Variants in MYRFL observed in about 807,000 individuals in gnomAD.
MYRFL encodes myelin regulatory factor-like protein.
MYRFL carries 88 observed loss-of-function variants against 109.4 expected under a neutral mutation model. The ratio of observed to expected loss-of-function variants is 0.80; its 90% CI spans 0.68 to 0.96. MYRFL has a LOEUF of 0.96. MYRFL is among the 40% of genes least tolerant of loss of function. The pLI, the probability that MYRFL is intolerant of heterozygous loss-of-function variation, is 0.00. For missense variants in MYRFL, 957 were observed against 954.9 expected, an observed-to-expected ratio of 1.00 and a Z score of -0.03; for synonymous variants, 324 against 320.9, an observed-to-expected ratio of 1.01 and a Z score of -0.10.
chr12:69,928,026 G>A (rs1389828433), intron 15 of MYRFL, among the ~76,000 whole-genome samples: 8 of 152,074 alleles, frequency 5.3e-5, no homozygotes, highest in Non-Finnish European at 1.0e-4. Flanking sequence ...CAGCAGCCTC[G>A]TCATACAGAT....
chr12:69,840,757 G>A (rs879381295), intron 1 of MYRFL, among the ~76,000 whole-genome samples: 3 of 152,158 alleles, frequency 2.0e-5, no homozygotes, highest in Non-Finnish European at 4.4e-5. Context: ...GTAGACACAT[G>A]CAGGTTTCTG....
intron 11 of MYRFL, among the ~76,000 whole-genome samples, chr12:69,909,442 C>T (rs1356070446): frequency 6.6e-6 from 1 of 152,040 alleles, no homozygotes; most frequent in Admixed American, 6.5e-5. Context: ...TTAATTGCCT[C>T]AATAGCTACT....
intron 19 of MYRFL, among the ~76,000 whole-genome samples, chr12:69,949,873 C>G (rs889394301): frequency 6.6e-6 from 1 of 152,088 alleles, no homozygotes; most frequent in African/African-American, 2.4e-5. Context: ...ATTGGAAACT[C>G]TTTATTCCTA....
intron 15 of MYRFL, among the ~76,000 whole-genome samples, chr12:69,930,292 T>C (rs1049518023): frequency 3.9e-5 from 6 of 152,144 alleles, no homozygotes; most frequent in African/African-American, 1.4e-4. Context: ...CTGCCTTTAC[T>C]TCCACACAGC....
chr12:69,955,433 A>ATAAAG lies in MYRFL; in HGVS notation c.2450_2450+4dup. The ATAAAG allele has an allele frequency of 1.6e-6, 1 of 638,764 alleles. No individual in the cohort carries two copies. Among genetic ancestry groups the ATAAAG allele is most frequent in the South Asian group, 1.8e-5 (1 of 54,600 alleles). 39.6% of individuals were successfully genotyped at this position (638,764 alleles called of 1,614,324 possible). A position where few individuals can be genotyped will look rare whatever the true frequency, so the allele number is the denominator to read the frequency against. ...CACCAATGTCAAGTTCTCTCTGGAAATAAAGTAAGTGCATGGCTGTAAAAA... is the reference window on the plus strand; with the variant it reads ...CACCAATGTCAAGTTCTCTCTGGAAATAAAGTAAAGTAAGTGCATGGCTGTAAAAA... On this transcript the variant is annotated frameshift_variant, in exon 22 of 25. Coordinates refer to ENST00000552032, the MANE Select transcript of MYRFL (RefSeq NM_182530.3). LOFTEE classifies it high-confidence loss of function.
intron 2 of MYRFL, among the ~76,000 whole-genome samples, chr12:69,877,023 C>CTTTCTTTCTTT (rs779815894): frequency 7.8e-6 from 1 of 128,898 alleles, no homozygotes; most frequent in Non-Finnish European, 1.6e-5. Flanking sequence ...TTCTTTCTTT[C>CTTTCTTTCTTT]TTTTTTTTTT....
chr12:69,901,886 T>TTTTG (rs1954199454), intron 10 of MYRFL, among the ~76,000 whole-genome samples: 1 of 149,364 alleles, frequency 6.7e-6, no homozygotes, highest in Non-Finnish European at 1.5e-5. Context: ...CACTGCTGTT[T>TTTTG]TTTTTTGTTT....
chr12:69,891,686 G>GTTCGTTCTTTCTTTCTTTCT, intron 7 of MYRFL, among the ~76,000 whole-genome samples: 1 of 67,824 alleles, frequency 1.5e-5, no homozygotes, highest in Admixed American at 1.7e-4. Context: ...TCTTTCTTTC[G>GTTCGTTCTTTCTTTCTTTCT]TTCGTTCGTT....
chr12:69,843,116 T>G (rs911353173), intron 1 of MYRFL, among the ~76,000 whole-genome samples: 1 of 152,236 alleles, frequency 6.6e-6, no homozygotes, highest in Non-Finnish European at 1.5e-5. Context: ...TTTAATGGAT[T>G]TTTCAAGGCA....
intron 1 of MYRFL, among the ~76,000 whole-genome samples, chr12:69,846,283 C>T (rs1883538620): frequency 6.6e-6 from 1 of 151,082 alleles, no homozygotes; most frequent in African/African-American, 2.4e-5. Context: ...TGGTGTGCTG[C>T]ACCCATTAAC....
chr12:69,828,925 G>A (rs1882452465), intron 1 of MYRFL, among the ~76,000 whole-genome samples: 1 of 152,068 alleles, frequency 6.6e-6, no homozygotes, highest in Non-Finnish European at 1.5e-5. Flanking sequence ...ACAAATTTTT[G>A]AGAAGCTATT....
In MYRFL at chr12:69,825,373, G is replaced by A. The variant is rs771740010; in HGVS notation, c.-145G>A. The A allele has an allele frequency of 5.2e-5, 36 of 694,984 alleles. No individual in the cohort carries two copies. The highest frequency in any genetic ancestry group is 8.9e-5 in the Non-Finnish European group (34 of 381,612). The allele number at this position is 694,984 out of a possible 1,614,324, so 43.1% of individuals were successfully genotyped here. On this transcript the variant is annotated 5_prime_UTR_variant, in exon 1 of 25. An upstream start codon of the reference 5' UTR is lost. Coordinates refer to ENST00000552032, the MANE Select transcript of MYRFL (RefSeq NM_182530.3). Reference sequence around the variant, plus strand: ...ACCATCTTTCTGGGCACAATTTGATGGCTGAAGATATGCTTCACTCCAATA... The same window carrying A: ...ACCATCTTTCTGGGCACAATTTGATAGCTGAAGATATGCTTCACTCCAATA...
At chr12:69,870,688 C>G (rs986584743) in intron 2 of MYRFL, among the ~76,000 whole-genome samples, 4 of 152,108 alleles carry the variant, frequency 2.6e-5, no homozygotes, top group African/African-American at 9.7e-5. Flanking sequence ...CAAAATTTCT[C>G]TAACTGTATT....
chr12:69,911,181 A>T (rs1169849118), intron 13 of MYRFL, among the ~76,000 whole-genome samples: 1 of 152,266 alleles, frequency 6.6e-6, no homozygotes, highest in East Asian at 1.9e-4. Context: ...AGTTCAGCAG[A>T]TCTTAACTGG....
chr12:69,887,012 A>G, intron 6 of MYRFL, 42 bp downstream of exon 6: 2 of 1,530,606 alleles, frequency 1.3e-6, no homozygotes, highest in African/African-American at 1.4e-5. Context: ...GGAGAAAGAC[A>G]GTGCTAAATC....
intron 1 of MYRFL, among the ~76,000 whole-genome samples, chr12:69,837,211 C>T (rs911208273): frequency 2.6e-5 from 4 of 152,188 alleles, no homozygotes; most frequent in Non-Finnish European, 4.4e-5. Context: ...GGCCCATTAG[C>T]TTCCGTATTC....
intron 2 of MYRFL, among the ~76,000 whole-genome samples, chr12:69,856,699 T>C (rs1006484469): frequency 2.0e-5 from 3 of 152,060 alleles, no homozygotes; most frequent in African/African-American, 7.2e-5. Flanking sequence ...ATACATTTTC[T>C]TTGGTGAAGT....
chr12:69,936,104 T>TAAA lies in MYRFL; in HGVS notation c.1917-9_1917-8insAAA. On this transcript the variant is annotated splice_polypyrimidine_tract_variant and intron_variant, in intron 16 of 24. Coordinates refer to ENST00000552032, the MANE Select transcript of MYRFL (RefSeq NM_182530.3). ...TTTTTTTTTTTTTTTTTTTTTTTTT[T>TAAA]TTTGACAGTGCTTTGACGATAGTTG... The TAAA allele has an allele frequency of 2.1e-6, 3 of 1,425,448 alleles. No individual in the cohort carries two copies. The highest frequency in any genetic ancestry group is 1.4e-5 in the South Asian group (1 of 72,808). 88.3% of individuals were successfully genotyped at this position (1,425,448 alleles called of 1,614,324 possible). A position where few individuals can be genotyped will look rare whatever the true frequency, so the allele number is the denominator to read the frequency against.
At chr12:69,876,425 C>G (rs994549381) in intron 2 of MYRFL, among the ~76,000 whole-genome samples, 1 of 151,290 alleles carries the variant, frequency 6.6e-6, no homozygotes, top group African/African-American at 2.4e-5. Flanking sequence ...TACTGTTTCT[C>G]TGTGGGAGGG....
Sources: gnomAD v4.1 joint callset for allele counts (sites outside exome capture counted in the v4.1 genomes callset) on GRCh38, gnomAD v4.1.1 for gene constraint, MANE v1.5 for transcripts, NCBI Gene and HGNC (gene_info 2026-07-23, HGNC 2026-07-21) for gene names.